The following SLC5A3 variants were observed in gnomAD, a reference collection of about 807,000 sequenced individuals.
SLC5A3 encodes the protein solute carrier family 5 member 3, also known as sodium/myo-inositol cotransporter.
In SLC5A3, 10 loss-of-function variants were observed where a neutral mutation model predicts 43.2. The ratio of observed to expected loss-of-function variants is 0.23; its 90% CI spans 0.14 to 0.39. The LOEUF is 0.39. Among genes scored for constraint, SLC5A3 ranks in the 10% least tolerant of loss-of-function variants. The pLI, the probability that SLC5A3 is intolerant of heterozygous loss-of-function variation, is 1.00. For missense variants in SLC5A3, 608 were observed against 893.4 expected, an observed-to-expected ratio of 0.68 and a Z score of 4.07; for synonymous variants, 349 against 322.0, an observed-to-expected ratio of 1.08 and a Z score of -0.90.
rs923119049 is a variant in SLC5A3, at chr21:34,105,419, C to T, written c.*8064C>T. On this transcript the variant is annotated 3_prime_UTR_variant, in exon 2 of 2. Coordinates refer to ENST00000381151, the MANE Select transcript of SLC5A3 (RefSeq NM_006933.7). ...CTAATAATATCCTGTGAAATTGCTTCATTCATTCATTTATTTTTAAGCCAA... is the reference window on the plus strand; with the variant it reads ...CTAATAATATCCTGTGAAATTGCTTTATTCATTCATTTATTTTTAAGCCAA... 1 of 998,450 alleles carries T rather than the reference C, an allele frequency of 1.0e-6. No individual in the cohort carries two copies. Among genetic ancestry groups the T allele is most frequent in the Non-Finnish European group, 1.2e-6 (1 of 828,536 alleles). The allele number at this position is 998,450 out of a possible 1,614,324, so 61.8% of individuals were successfully genotyped here.
At chr21:34,079,122 A>G (rs1042731797) in intron 1 of SLC5A3, among the ~76,000 whole-genome samples, 2 of 152,258 alleles carry the variant, frequency 1.3e-5, no homozygotes, top group Non-Finnish European at 2.9e-5. Context: ...CTTCCGGGCC[A>G]GATCTGACCT....
Position 34,103,554 on chromosome 21 carries a change from G to A in SLC5A3, c.*6199G>A. 1.0e-6 allele frequency: 1 copy of A among 1,000,112 alleles called. No individual in the cohort carries two copies. The highest frequency in any genetic ancestry group is 4.7e-5 in the South Asian group (1 of 21,288). 62.0% of individuals were successfully genotyped at this position (1,000,112 alleles called of 1,614,324 possible). Reference sequence around the variant, plus strand: ...AACAGTTTATATTCCATGATAGAAAGCTAAAGTCCATAGAAAGCACAAAAT... The same window carrying A: ...AACAGTTTATATTCCATGATAGAAAACTAAAGTCCATAGAAAGCACAAAAT... On this transcript the variant is annotated 3_prime_UTR_variant, in exon 2 of 2. Transcript: ENST00000381151.
chr21:34,098,654 C>G lies in SLC5A3; in HGVS notation c.*1299C>G. On this transcript the variant is annotated 3_prime_UTR_variant, in exon 2 of 2. Coordinates refer to ENST00000381151, the MANE Select transcript of SLC5A3 (RefSeq NM_006933.7). The stretch of plus-strand genomic sequence containing the variant: ...GATAGCATGTTTGAGAGGTGCCAAA[C>G]AAGAACTTTTGGGGTTAGTAGTGTG... 1 of 1,000,242 alleles carries G rather than the reference C, an allele frequency of 1.0e-6. No individual in the cohort carries two copies. The highest frequency in any genetic ancestry group is 1.2e-6 in the Non-Finnish European group (1 of 829,984). The allele number at this position is 1,000,242 out of a possible 1,614,324, so 62.0% of individuals were successfully genotyped here.
chr21:34,102,072 T>C lies in SLC5A3; in HGVS notation c.*4717T>C, dbSNP rs1979262507. ...TGTGAAAAGGTAATCTTTCGATTGC[T>C]AGACTTGGTTAACTTAGGGCTGCAA... On this transcript the variant is annotated 3_prime_UTR_variant, in exon 2 of 2. Coordinates refer to ENST00000381151, the MANE Select transcript of SLC5A3 (RefSeq NM_006933.7). 7.0e-6 allele frequency: 7 copies of C among 999,998 alleles called. No homozygotes were observed. Among genetic ancestry groups the C allele is most frequent in the Non-Finnish European group, 8.4e-6 (7 of 829,736 alleles). The allele number at this position is 999,998 out of a possible 1,614,324, so 61.9% of individuals were successfully genotyped here.
Position 34,096,015 on chromosome 21 carries a change from G to A in SLC5A3, c.817G>A (p.Val273Ile). ...CATTCTTGGGCAGACCCCAGCTTCA[G>A]TATGGTACTGGTGTGCTGACCAAGT... ...GFILGQTPAS[V>I]WYWCADQVIV... The change falls in exon 2 of 2, where the codon GTA (valine) becomes ATA (isoleucine). Residue 273 changes from valine to isoleucine, a missense_variant. Val to Ile is a conservative substitution (Grantham distance 29, BLOSUM62 3). Coordinates refer to ENST00000381151, the MANE Select transcript of SLC5A3 (RefSeq NM_006933.7). This position sits in a 1 kb window ranked among gnomAD's most constrained non-coding sequence, Gnocchi z 5.9. The A allele has an allele frequency of 6.2e-7, 1 of 1,614,140 alleles. No homozygotes were observed. The highest frequency in any genetic ancestry group is 8.5e-7 in the Non-Finnish European group (1 of 1,180,002).
chr21:34,091,265 C>T (rs1978671886), intron 1 of SLC5A3, among the ~76,000 whole-genome samples: 4 of 182 alleles, frequency 0.022, no homozygotes, highest in Non-Finnish European at 0.043. Flanking sequence ...TTTGCAGGCC[C>T]CGCCCTGTGT....
intron 1 of SLC5A3, among the ~76,000 whole-genome samples, chr21:34,089,399 T>A (rs893760126): frequency 6.6e-6 from 1 of 151,780 alleles, no homozygotes; most frequent in Non-Finnish European, 1.5e-5. Context: ...ATCATTCACA[T>A]AAAAGTTAAA....
intron 1 of SLC5A3, among the ~76,000 whole-genome samples, chr21:34,093,646 A>AT (rs143993992): frequency 0.067 from 10,275 of 152,246 alleles, 1,170 homozygotes; most frequent in African/African-American, 0.23. Context: ...AGGAGAAATC[A>AT]TTTAGAAGTT....
chr21:34,092,924 C>CT (rs1260210095), intron 1 of SLC5A3, among the ~76,000 whole-genome samples: 1 of 152,156 alleles, frequency 6.6e-6, no homozygotes, highest in Non-Finnish European at 1.5e-5. Context: ...ACTTGGATGG[C>CT]TGTTGGGTAG....
chr21:34,102,669 A>G lies in SLC5A3; in HGVS notation c.*5314A>G, dbSNP rs1979299424. ...GGGTTCACAGCTTGCTTGAAGAGAA[A>G]GGATGCTAGAATAAAGTAAGCAGCT... On this transcript the variant is annotated 3_prime_UTR_variant, in exon 2 of 2. Transcript: ENST00000381151. The G allele has an allele frequency of 2.0e-6, 2 of 1,000,052 alleles. No individual in the cohort carries two copies. Among genetic ancestry groups the G allele is most frequent in the South Asian group, 9.4e-5 (2 of 21,294 alleles). 61.9% of individuals were successfully genotyped at this position (1,000,052 alleles called of 1,614,324 possible). A position where few individuals can be genotyped will look rare whatever the true frequency, so the allele number is the denominator to read the frequency against.
At chr21:34,081,050 G>A (rs190998766) in intron 1 of SLC5A3, among the ~76,000 whole-genome samples, 1 of 152,224 alleles carries the variant, frequency 6.6e-6, no homozygotes, top group East Asian at 1.9e-4. Flanking sequence ...GGATTCTTTG[G>A]GAAGACTTGA....
chr21:34,087,979 G>A (rs750157088), intron 1 of SLC5A3, among the ~76,000 whole-genome samples: 17 of 152,222 alleles, frequency 1.1e-4, no homozygotes, highest in Non-Finnish European at 2.1e-4. Context: ...TGAGGATGAA[G>A]TTGCTGTTCT....
chr21:34,097,579 A>C lies in SLC5A3; in HGVS notation c.*224A>C, dbSNP rs1979025067. 3.1e-6 allele frequency: 4 copies of C among 1,290,534 alleles called. No homozygotes were observed. In the African/African-American group the frequency reaches 4.6e-5, roughly 15 times the overall value. The allele number at this position is 1,290,534 out of a possible 1,614,324, so 79.9% of individuals were successfully genotyped here. A position where few individuals can be genotyped will look rare whatever the true frequency, so the allele number is the denominator to read the frequency against. Reference sequence around the variant, plus strand: ...AAACCTAACAGACTGAATTGTGCAAATGTGGTTTTAAATTTTGCATACCAA... The same window carrying C: ...AAACCTAACAGACTGAATTGTGCAACTGTGGTTTTAAATTTTGCATACCAA... On this transcript the variant is annotated 3_prime_UTR_variant, in exon 2 of 2. Transcript: ENST00000381151.
Position 34,104,909 on chromosome 21 carries a change from A to T in SLC5A3, c.*7554A>T. The T allele has an allele frequency of 2.0e-6, 2 of 1,000,214 alleles. No homozygotes were observed. The highest frequency in any genetic ancestry group is 2.4e-6 in the Non-Finnish European group (2 of 829,918). 62.0% of individuals were successfully genotyped at this position (1,000,214 alleles called of 1,614,324 possible). On this transcript the variant is annotated 3_prime_UTR_variant, in exon 2 of 2. Transcript: ENST00000381151. ...GATTTCTTTGGCAGAAATGCCTTTC[A>T]TCTATAATTTCATGGAGAACTGCTT...
At chr21:34,086,216 T>C (rs1018657244) in intron 1 of SLC5A3, among the ~76,000 whole-genome samples, 1 of 152,116 alleles carries the variant, frequency 6.6e-6, no homozygotes, top group Non-Finnish European at 1.5e-5. Flanking sequence ...TCAGGTTTTG[T>C]TTTGTTTTGT....
Position 34,101,888 on chromosome 21 carries a change from AGTG to A in SLC5A3, c.*4534_*4536del. On this transcript the variant is annotated 3_prime_UTR_variant, in exon 2 of 2. Coordinates refer to ENST00000381151, the MANE Select transcript of SLC5A3 (RefSeq NM_006933.7). ...TTTCAAAAATTAGGGAGAGAGCAGTAGTGATCATTTATGTGAGCCCCTTTGAAA... is the reference window on the plus strand; with the variant it reads ...TTTCAAAAATTAGGGAGAGAGCAGTAATCATTTATGTGAGCCCCTTTGAAA... 2.0e-6 allele frequency: 2 copies of A among 1,000,230 alleles called. No individual in the cohort carries two copies. Among genetic ancestry groups the A allele is most frequent in the Non-Finnish European group, 2.4e-6 (2 of 829,960 alleles). 62.0% of individuals were successfully genotyped at this position (1,000,230 alleles called of 1,614,324 possible). A position where few individuals can be genotyped will look rare whatever the true frequency, so the allele number is the denominator to read the frequency against.
chr21:34,073,725 A>C lies in SLC5A3; in HGVS notation c.-357A>C. On this transcript the variant is annotated 5_prime_UTR_variant, in exon 1 of 2. Transcript: ENST00000381151. The stretch of plus-strand genomic sequence containing the variant: ...CATGCCCCGCTACGAGCTGGCTTTA[A>C]TCCTGAAAGCCATGCAGCGGGTAAG... 6.5e-7 allele frequency: 1 copy of C among 1,527,650 alleles called. No individual in the cohort carries two copies. 94.6% of individuals were successfully genotyped at this position (1,527,650 alleles called of 1,614,324 possible).
chr21:34,095,909 T>C lies in SLC5A3; in HGVS notation c.711T>C (p.Asn237=), dbSNP rs914905177. The change falls in exon 2 of 2, where the codon AAT becomes AAC. Residue 237 remains asparagine (N), a synonymous_variant. Coordinates refer to ENST00000381151, the MANE Select transcript of SLC5A3 (RefSeq NM_006933.7). ...TGACATACAACCTTTCCAACACAAATTCTTGTAATGTCTCCCCTAAGAAAG... is the reference window on the plus strand; with the variant it reads ...TGACATACAACCTTTCCAACACAAACTCTTGTAATGTCTCCCCTAAGAAAG... ...ILLTYNLSNT[N]SCNVSPKKEA... The C allele has an allele frequency of 2.5e-6, 4 of 1,614,146 alleles. No homozygotes were observed. The Admixed American group carries it at 6.7e-5, about 27-fold the overall frequency.
chr21:34,103,108 G>A lies in SLC5A3; in HGVS notation c.*5753G>A, dbSNP rs1285629015. The A allele has an allele frequency of 2.8e-5, 28 of 999,844 alleles. No individual in the cohort carries two copies. In the East Asian group the frequency reaches 3.4e-4, roughly 12 times the overall value. 61.9% of individuals were successfully genotyped at this position (999,844 alleles called of 1,614,324 possible). A position where few individuals can be genotyped will look rare whatever the true frequency, so the allele number is the denominator to read the frequency against. On this transcript the variant is annotated 3_prime_UTR_variant, in exon 2 of 2. Transcript: ENST00000381151. ...TGTTGTTATAATTGGAAACAGAAAC[G>A]AGGCTTATTGCTATTGCAGAAATCC...
Sources: allele counts gnomAD v4.1 joint callset (sites outside exome capture counted in the v4.1 genomes callset), GRCh38; gene constraint gnomAD v4.1.1; non-coding constraint Gnocchi (gnomAD v3.1); transcripts MANE v1.5; gene names NCBI Gene and HGNC (gene_info 2026-07-23, HGNC 2026-07-21).